PARP8: variants seen among roughly 807,000 people sequenced by gnomAD.
PARP8 encodes the protein poly(ADP-ribose) polymerase family member 8, also known as protein mono-ADP-ribosyltransferase PARP8.
PARP8 carries 51 observed loss-of-function variants against 124.1 expected under a neutral mutation model. The observed-to-expected ratio is 0.41, with a 90% CI of 0.33 to 0.52. PARP8 has a LOEUF of 0.52. Among genes scored for constraint, PARP8 ranks in the 20% least tolerant of loss-of-function variants. The pLI is 0.21. For missense variants in PARP8, 860 were observed against 1,018.9 expected (o/e 0.84, Z 2.12); for synonymous variants, 391 against 361.5 (o/e 1.08, Z -0.93).
chr5:50,760,206 G>A, intron 4 of PARP8, 86 bp from the exon 5 acceptor site: 7 of 1,150,608 alleles, frequency 6.1e-6, no homozygotes, highest in Non-Finnish European at 8.2e-6. Flanking sequence ...ATCACCTAAA[G>A]GGTAGTTTTA....
intron 2 of PARP8, among the ~76,000 whole-genome samples, chr5:50,673,261 G>T (rs1385675980): frequency 6.6e-6 from 1 of 152,026 alleles, no homozygotes; most frequent in Admixed American, 6.6e-5. Flanking sequence ...TTTCTGTTCT[G>T]TATAACAACT....
At chr5:50,754,116 C>T (rs1334969860) in intron 3 of PARP8, among the ~76,000 whole-genome samples, 1 of 64,732 alleles carries the variant, frequency 1.5e-5, no homozygotes, top group Non-Finnish European at 2.5e-5. Context: ...TGAAAACATT[C>T]ATATATATAT....
At chr5:50,764,602 G>C (rs1760873201) in intron 7 of PARP8, among the ~76,000 whole-genome samples, 1 of 152,200 alleles carries the variant, frequency 6.6e-6, no homozygotes, top group African/African-American at 2.4e-5. Flanking sequence ...GGCTACAATT[G>C]AGTGAAAGTG....
intron 14 of PARP8, among the ~76,000 whole-genome samples, chr5:50,805,023 G>A (rs959561206): frequency 2.0e-5 from 3 of 152,010 alleles, no homozygotes; most frequent in African/African-American, 7.3e-5. Flanking sequence ...TACTCCTTGG[G>A]TTGCTGCAAG....
chr5:50,769,736 C>T (rs1761415434), intron 7 of PARP8, among the ~76,000 whole-genome samples: 1 of 151,548 alleles, frequency 6.6e-6, no homozygotes, highest in African/African-American at 2.4e-5. Context: ...AGTGAAAGAA[C>T]AGAACCACAA....
At chr5:50,768,234 G>C (rs957545149) in intron 7 of PARP8, among the ~76,000 whole-genome samples, 1 of 152,086 alleles carries the variant, frequency 6.6e-6, no homozygotes, top group Non-Finnish European at 1.5e-5. Flanking sequence ...AGTGTCTCAC[G>C]AGTGAGGATA....
chr5:50,774,303 C>T lies in PARP8; in HGVS notation c.519-3766C>T, dbSNP rs574590034. 1.4e-4 allele frequency among the ~76,000 whole-genome samples: 21 copies of T among 152,132 alleles called. No individual in the cohort carries two copies. The South Asian group carries it at 2.1e-3, about 15-fold the overall frequency. ...TCCCCACATTTCCTCCTTTTCTTTT[C>T]GACAAAACCACCATCGTCATCATGG... On this transcript the variant is annotated intron_variant, in intron 7 of 25. Transcript: ENST00000281631.
intron 23 of PARP8, chr5:50,833,421 AAAC>A: frequency 2.2e-6 from 1 of 454,334 alleles, no homozygotes; most frequent in Non-Finnish European, 4.4e-6. Flanking sequence ...GTTTCAGAGA[AAAC>A]AAGTATATTC....
At chr5:50,828,699 G>C (rs1373858471) in intron 21 of PARP8, among the ~76,000 whole-genome samples, 1 of 151,276 alleles carries the variant, frequency 6.6e-6, no homozygotes, top group Non-Finnish European at 1.5e-5. Context: ...GGCCAACATG[G>C]CAAAACCCTG....
intron 12 of PARP8, among the ~76,000 whole-genome samples, chr5:50,796,353 T>C (rs1236499536): frequency 1.3e-5 from 2 of 152,196 alleles, no homozygotes; most frequent in Non-Finnish European, 2.9e-5. Context: ...ATATTTATTA[T>C]CTGAAAAGTT....
chr5:50,748,257 G>T (rs896062550), intron 2 of PARP8, among the ~76,000 whole-genome samples: 1 of 151,502 alleles, frequency 6.6e-6, no homozygotes, highest in South Asian at 2.1e-4. Context: ...ATTATTTAGG[G>T]TTAATATATC....
intron 2 of PARP8, among the ~76,000 whole-genome samples, chr5:50,718,619 T>A (rs1755558314): frequency 6.6e-6 from 1 of 152,032 alleles, no homozygotes; most frequent in African/African-American, 2.4e-5. Context: ...TGTCCTCCAG[T>A]TCCATCCATG....
intron 9 of PARP8, among the ~76,000 whole-genome samples, chr5:50,786,114 C>T (rs1439611752): frequency 6.6e-6 from 1 of 152,096 alleles, no homozygotes; most frequent in East Asian, 1.9e-4. Context: ...GACCCTAACA[C>T]TCTGCTTCTT....
chr5:50,755,611 G>A (rs1346406712), intron 3 of PARP8, among the ~76,000 whole-genome samples: 1 of 152,184 alleles, frequency 6.6e-6, no homozygotes, highest in Non-Finnish European at 1.5e-5. Context: ...AAGTCAGGTA[G>A]TTTGATGCCT....
chr5:50,788,489 T>C (rs762558696), intron 9 of PARP8, 34 bp from the exon 10 acceptor site: 3 of 1,594,410 alleles, frequency 1.9e-6, no homozygotes, highest in Non-Finnish European at 2.6e-6. Context: ...CAGTTTCAAG[T>C]CAATATGTGA....
At chr5:50,808,672 A>C (rs963197118) in intron 14 of PARP8, among the ~76,000 whole-genome samples, 16 of 152,070 alleles carry the variant, frequency 1.1e-4, no homozygotes, top group Non-Finnish European at 2.2e-4. Context: ...TGGGAACAAA[A>C]GGAAAGCAGT....
intron 2 of PARP8, among the ~76,000 whole-genome samples, chr5:50,740,781 C>G (rs911843511): frequency 6.6e-6 from 1 of 150,882 alleles, no homozygotes; most frequent in Non-Finnish European, 1.5e-5. Flanking sequence ...CCACTGCTCT[C>G]CAGCCTGGGC....
At position 50,773,745 on chromosome 5, in the gene PARP8, G is replaced by C. The variant is rs199700835; in HGVS notation, c.519-4324G>C. ...TTGAATCTGTAGGTTGCTTTGGCTG[G>C]AGTATGGATGTTTTAATAATATTCT... On this transcript the variant is annotated intron_variant, in intron 7 of 25. Coordinates refer to ENST00000281631, the MANE Select transcript of PARP8 (RefSeq NM_024615.4). 5.9e-5 allele frequency among the ~76,000 whole-genome samples: 9 copies of C among 152,178 alleles called. No individual in the cohort carries two copies. The East Asian group carries it at 1.7e-3, about 29-fold the overall frequency.
chr5:50,692,030 C>T (rs1398369413), intron 2 of PARP8, among the ~76,000 whole-genome samples: 2 of 152,190 alleles, frequency 1.3e-5, no homozygotes, highest in Admixed American at 6.6e-5. Context: ...CCGTTTCTTA[C>T]TTTGACTATT....
Sources: gnomAD v4.1 joint callset for allele counts (sites outside exome capture counted in the v4.1 genomes callset) on GRCh38, gnomAD v4.1.1 for gene constraint, MANE v1.5 for transcripts, NCBI Gene and HGNC (gene_info 2026-07-23, HGNC 2026-07-21) for gene names.